ARHGEF38: variants seen among roughly 807,000 people sequenced by gnomAD.
ARHGEF38 encodes Rho guanine nucleotide exchange factor 38.
A neutral mutation model predicts 79.9 loss-of-function variants in ARHGEF38; 79 were observed. The observed-to-expected ratio is 0.99, with a 90% CI of 0.82 to 1.19. The LOEUF is 1.19. Ranked by LOEUF, ARHGEF38 falls within the 50% of genes most tolerant of loss-of-function variation. ARHGEF38 has a pLI of 0.00. For missense variants in ARHGEF38, 962 were observed against 907.2 expected (o/e 1.06, Z -0.78); for synonymous variants, 366 against 328.3 (o/e 1.11, Z -1.24).
At chr4:105,622,406 A>T (rs62320290) in intron 3 of ARHGEF38, among the ~76,000 whole-genome samples, 9 of 152,200 alleles carry the variant, frequency 5.9e-5, no homozygotes, top group Non-Finnish European at 1.3e-4. Context: ...AAGTACATAG[A>T]AAGAGTAACA....
At chr4:105,569,139 T>C (rs534090971) in intron 1 of ARHGEF38, among the ~76,000 whole-genome samples, 1 of 152,362 alleles carries the variant, frequency 6.6e-6, no homozygotes, top group Admixed American at 6.5e-5. Flanking sequence ...ACACAGCTGT[T>C]TAATCATCTC....
chr4:105,634,006 T>G (rs1026694268), intron 4 of ARHGEF38, among the ~76,000 whole-genome samples: 6 of 152,346 alleles, frequency 3.9e-5, no homozygotes, highest in African/African-American at 1.4e-4. Context: ...TAATGTTGAA[T>G]CCTTTCATAA....
chr4:105,670,182 G>A (rs1560762184), intron 13 of ARHGEF38, among the ~76,000 whole-genome samples: 1 of 152,136 alleles, frequency 6.6e-6, no homozygotes, highest in Non-Finnish European at 1.5e-5. Flanking sequence ...ATAAGTGTAT[G>A]TTTAAATTTT....
chr4:105,600,304 C>T (rs527582301), intron 2 of ARHGEF38, among the ~76,000 whole-genome samples: 5 of 152,164 alleles, frequency 3.3e-5, no homozygotes, highest in Non-Finnish European at 7.4e-5. Flanking sequence ...TAGTTGTGCT[C>T]ATTAGTTATG....
intron 1 of ARHGEF38, chr4:105,561,473 TA>T (rs1725588760): frequency 8.4e-6 from 1 of 118,674 alleles, no homozygotes; most frequent in Non-Finnish European, 1.8e-5. Context: ...TAGAATAGAA[TA>T]GAATAGAATA....
In ARHGEF38 at chr4:105,633,801, G is replaced by A. The variant is rs903673653; in HGVS notation, c.657-2602G>A. On this transcript the variant is annotated intron_variant, in intron 4 of 13. Coordinates refer to ENST00000420470, the MANE Select transcript of ARHGEF38 (RefSeq NM_001242729.2). ...CTCAGGAACACAAACCCTAGTTGAG[G>A]AGATAAACAAAACCATGTGGAAAGT... Among the ~76,000 whole-genome samples the A allele has an allele frequency of 4.6e-5, 7 of 152,114 alleles. No homozygotes were observed. In the East Asian group the frequency reaches 5.8e-4, roughly 13 times the overall value.
intron 6 of ARHGEF38, among the ~76,000 whole-genome samples, 184 bp from the exon 7 acceptor site, chr4:105,648,365 G>T (rs1349431211): frequency 6.6e-6 from 1 of 152,004 alleles, no homozygotes; most frequent in Non-Finnish European, 1.5e-5. Context: ...AGGTCAGTGG[G>T]GTGGGTGCCT....
chr4:105,635,447 GA>G (rs560558374), intron 4 of ARHGEF38, among the ~76,000 whole-genome samples: 6 of 150,558 alleles, frequency 4.0e-5, no homozygotes, highest in South Asian at 2.1e-4. Context: ...AAATGAAATA[GA>G]AAAAAAAACC....
intron 2 of ARHGEF38, among the ~76,000 whole-genome samples, chr4:105,596,200 A>G (rs1727571365): frequency 6.6e-6 from 1 of 152,138 alleles, no homozygotes; most frequent in Admixed American, 6.5e-5. Context: ...GTGACATCCT[A>G]CAAAATCTCT....
chr4:105,570,679 C>T (rs527423534), intron 1 of ARHGEF38, among the ~76,000 whole-genome samples: 2 of 152,164 alleles, frequency 1.3e-5, no homozygotes, highest in Admixed American at 1.3e-4. Flanking sequence ...CCTTATGATT[C>T]AATTACCTCC....
intron 1 of ARHGEF38, among the ~76,000 whole-genome samples, chr4:105,584,430 T>G (rs1214596619): frequency 6.6e-6 from 1 of 152,242 alleles, no homozygotes; most frequent in Non-Finnish European, 1.5e-5. Flanking sequence ...AGACATTAAC[T>G]AATTTAATCT....
intron 3 of ARHGEF38, among the ~76,000 whole-genome samples, chr4:105,626,707 C>T (rs1457368029): frequency 6.6e-6 from 1 of 152,018 alleles, no homozygotes; most frequent in Non-Finnish European, 1.5e-5. Context: ...GAATAACTAC[C>T]AGAATAGCTT....
chr4:105,641,592 A>G (rs980154750), intron 5 of ARHGEF38, among the ~76,000 whole-genome samples: 4 of 152,142 alleles, frequency 2.6e-5, no homozygotes, highest in African/African-American at 4.8e-5. Flanking sequence ...TAAATATTAA[A>G]TTTAGGATGC....
chr4:105,660,734 C>G (rs1287109138), intron 10 of ARHGEF38, among the ~76,000 whole-genome samples: 3 of 152,270 alleles, frequency 2.0e-5, no homozygotes, highest in South Asian at 2.1e-4. Flanking sequence ...GCCACTGCGC[C>G]CAGCCTGAGC....
At chr4:105,609,756 G>C (rs551898185) in intron 2 of ARHGEF38, among the ~76,000 whole-genome samples, 2 of 152,140 alleles carry the variant, frequency 1.3e-5, no homozygotes, top group African/African-American at 4.8e-5. Context: ...TATATCTTGC[G>C]ATAAGTACTT....
chr4:105,669,769 A>T (rs1460174915), intron 13 of ARHGEF38, among the ~76,000 whole-genome samples: 1 of 151,964 alleles, frequency 6.6e-6, no homozygotes, highest in Non-Finnish European at 1.5e-5. Flanking sequence ...ACTCCAAAAA[A>T]CCCTTTGCAC....
intron 10 of ARHGEF38, among the ~76,000 whole-genome samples, chr4:105,663,818 A>G (rs949924080): frequency 4.5e-4 from 68 of 152,136 alleles, no homozygotes; most frequent in African/African-American, 1.6e-3. Flanking sequence ...AAAAATACAA[A>G]AACTTGCCAG....
intron 7 of ARHGEF38, among the ~76,000 whole-genome samples, chr4:105,649,407 A>G (rs1729996471): frequency 6.6e-6 from 1 of 152,178 alleles, no homozygotes; most frequent in Non-Finnish European, 1.5e-5. Context: ...AGAAGTCTGT[A>G]TTTTTGCAAA....
At chr4:105,564,588 T>C (rs6813330) in intron 1 of ARHGEF38, among the ~76,000 whole-genome samples, 52,272 of 152,082 alleles carry the variant, frequency 0.34, 10,154 homozygotes, top group East Asian at 0.64. Context: ...ATGTATTTAA[T>C]GATACTGAAC....
Sources: allele counts gnomAD v4.1 joint callset (sites outside exome capture counted in the v4.1 genomes callset), GRCh38; gene constraint gnomAD v4.1.1; transcripts MANE v1.5; gene names NCBI Gene and HGNC (gene_info 2026-07-23, HGNC 2026-07-21).